The following CNTNAP3 variants were observed in gnomAD, a reference collection of about 807,000 sequenced individuals.
The protein encoded by CNTNAP3 is contactin-associated protein-like 3.
In CNTNAP3, 36 loss-of-function variants were observed where a neutral mutation model predicts 92.1. The ratio of observed to expected loss-of-function variants is 0.39; its 90% CI spans 0.30 to 0.52. CNTNAP3 has a LOEUF of 0.52. Ranked by LOEUF, CNTNAP3 falls within the 20% of genes least tolerant of loss-of-function variation. The pLI, the probability that CNTNAP3 is intolerant of heterozygous loss-of-function variation, is 0.76. For missense variants in CNTNAP3, 534 were observed against 1,069.6 expected (o/e 0.50, Z 6.98); for synonymous variants, 232 against 422.3 (o/e 0.55, Z 5.53).
At position 39,272,820 on chromosome 9, in the gene CNTNAP3, A is replaced by T. The variant is rs1207812298; in HGVS notation, c.86-5814T>A. ...AGGTGACTATAGTCAATAATTACTT[A>T]ATTGTACATTTTTAAATAACTTAAA... On this transcript the variant is annotated intron_variant, in intron 1 of 23. Coordinates refer to ENST00000297668, the MANE Select transcript of CNTNAP3 (RefSeq NM_033655.5). Among the ~76,000 whole-genome samples, 2 of 31,596 alleles carry T rather than the reference A, an allele frequency of 6.3e-5. 1 individual carries two copies. The highest frequency in any genetic ancestry group is 1.9e-4 in the Non-Finnish European group (2 of 10,300). 20.7% of individuals were successfully genotyped at this position (31,596 alleles called of 152,430 possible). A position where few individuals can be genotyped will look rare whatever the true frequency, so the allele number is the denominator to read the frequency against.
chr9:39,115,278 T>C (rs2117946156), intron 14 of CNTNAP3, among the ~76,000 whole-genome samples: 1 of 151,520 alleles, frequency 6.6e-6, no homozygotes, highest in South Asian at 2.1e-4. Flanking sequence ...TTATAAACTT[T>C]CCACCAGGAA....
rs60808690 is a variant in CNTNAP3 at position 39,126,527 on chromosome 9, T to C, written c.2080+6405A>G. Among the ~76,000 whole-genome samples the C allele has an allele frequency of 1.3e-3, 199 of 152,302 alleles. 1 individual carries two copies. The highest frequency in any genetic ancestry group is 4.6e-3 in the African/African-American group (191 of 41,570). Reference sequence around the variant, plus strand: ...TGCAAACAAATATCTCTCTTGAACATGGATGAAGCAATCCTTAAAAAATAT... The same window carrying C: ...TGCAAACAAATATCTCTCTTGAACACGGATGAAGCAATCCTTAAAAAATAT... On this transcript the variant is annotated intron_variant, in intron 13 of 23. Coordinates refer to ENST00000297668, the MANE Select transcript of CNTNAP3 (RefSeq NM_033655.5).
At chr9:39,141,191 C>G (rs1353580537) in intron 11 of CNTNAP3, among the ~76,000 whole-genome samples, 3 of 152,154 alleles carry the variant, frequency 2.0e-5, no homozygotes, top group Non-Finnish European at 4.4e-5. Context: ...GGCAACTATA[C>G]CTCAGAATTA....
At chr9:39,143,914 A>G (rs1241660666) in intron 11 of CNTNAP3, among the ~76,000 whole-genome samples, 4 of 152,294 alleles carry the variant, frequency 2.6e-5, no homozygotes, top group African/African-American at 9.6e-5. Flanking sequence ...GTATGGTCCA[A>G]CTCAAGTAAT....
chr9:39,067,418 G>A lies in CNTNAP3; in HGVS notation c.*6472C>T, dbSNP rs1457197200. Among the ~76,000 whole-genome samples the A allele has an allele frequency of 1.3e-5, 2 of 152,276 alleles. No individual in the cohort carries two copies. Among genetic ancestry groups the A allele is most frequent in the South Asian group, 2.1e-4 (1 of 4,772 alleles). On this transcript the variant is annotated 3_prime_UTR_variant, in exon 24 of 24. Coordinates refer to ENST00000297668, the MANE Select transcript of CNTNAP3 (RefSeq NM_033655.5). Reference sequence around the variant, plus strand: ...CTCGTTGGGTGTTGGATTTTTTTTTGATGGAGTCTGGCTCTGTTGCCCAGG... The same window carrying A: ...CTCGTTGGGTGTTGGATTTTTTTTTAATGGAGTCTGGCTCTGTTGCCCAGG...
chr9:39,080,308 C>T (rs1382758732), intron 21 of CNTNAP3, among the ~76,000 whole-genome samples: 1 of 137,772 alleles, frequency 7.3e-6, no homozygotes, highest in Non-Finnish European at 1.6e-5. Flanking sequence ...CTCTCACCAC[C>T]CCGCAGGTGA....
At chr9:39,101,252 C>A (rs916591710) in intron 17 of CNTNAP3, among the ~76,000 whole-genome samples, 4 of 151,238 alleles carry the variant, frequency 2.6e-5, no homozygotes, top group African/African-American at 9.7e-5. Flanking sequence ...ACCCCATCCA[C>A]ATCCACATAC....
chr9:39,084,437 G>A (rs1292031309), intron 21 of CNTNAP3, among the ~76,000 whole-genome samples: 4 of 151,632 alleles, frequency 2.6e-5, no homozygotes, highest in Non-Finnish European at 4.4e-5. Context: ...CTCGTGATCC[G>A]CCTGCCTCAG....
chr9:39,129,480 A>C (rs936344029), intron 13 of CNTNAP3, among the ~76,000 whole-genome samples: 1 of 152,222 alleles, frequency 6.6e-6, no homozygotes, highest in African/African-American at 2.4e-5. Flanking sequence ...AATGTGTCCC[A>C]AAATAGGGCA....
chr9:39,104,535 T>A (rs983822427), intron 15 of CNTNAP3, among the ~76,000 whole-genome samples: 1 of 144,070 alleles, frequency 6.9e-6, no homozygotes, highest in Non-Finnish European at 1.5e-5. Context: ...CTTAATTCCT[T>A]TCATGGCAAG....
intron 10 of CNTNAP3, among the ~76,000 whole-genome samples, chr9:39,149,012 G>C (rs1821774876): frequency 6.6e-6 from 1 of 152,054 alleles, no homozygotes; most frequent in South Asian, 2.1e-4. Context: ...ATACTTATTT[G>C]AATTAAATGT....
intron 9 of CNTNAP3, among the ~76,000 whole-genome samples, chr9:39,151,899 A>G (rs1821851817): frequency 6.6e-6 from 1 of 150,412 alleles, no homozygotes; most frequent in Non-Finnish European, 1.5e-5. Context: ...AATATTAGGT[A>G]TTAAACCTAA....
chr9:39,150,733 G>T (rs534673907), intron 9 of CNTNAP3, among the ~76,000 whole-genome samples: 1 of 75,656 alleles, frequency 1.3e-5, no homozygotes, highest in African/African-American at 5.8e-5. Flanking sequence ...ATAGACATTT[G>T]ATTATTTCCA....
At position 39,107,134 on chromosome 9, in the gene CNTNAP3, C is replaced by A. The variant is rs562518005; in HGVS notation, c.2365+2026G>T. Among the ~76,000 whole-genome samples the A allele has an allele frequency of 2.2e-4, 34 of 151,714 alleles. No homozygotes were observed. The South Asian group carries it at 7.1e-3, about 32-fold the overall frequency. On this transcript the variant is annotated intron_variant, in intron 15 of 23. Coordinates refer to ENST00000297668, the MANE Select transcript of CNTNAP3 (RefSeq NM_033655.5). ...TGAATTAAATGTCTGGACAGACCTG[C>A]CAGACAGACCTGTGGTGTAGACTTA...
chr9:39,116,656 G>T (rs1587715844), intron 14 of CNTNAP3, among the ~76,000 whole-genome samples: 1 of 152,200 alleles, frequency 6.6e-6, no homozygotes, highest in East Asian at 1.9e-4. Context: ...GTTGTATTAA[G>T]ATTGCATATC....
intron 21 of CNTNAP3, chr9:39,085,254 C>CA (rs1295559873): frequency 1.3e-5 from 2 of 156,758 alleles, no homozygotes; most frequent in African/African-American, 5.2e-5. Flanking sequence ...ATACTAAAGT[C>CA]AAAAAGGATG....
intron 3 of CNTNAP3, among the ~76,000 whole-genome samples, chr9:39,202,175 C>T (rs1386331024): frequency 4.2e-5 from 1 of 23,750 alleles, no homozygotes; most frequent in African/African-American, 6.6e-5. Flanking sequence ...TATGAGCCTT[C>T]GATGAGACTG....
At chr9:39,126,389 AT>A (rs1382111040) in intron 13 of CNTNAP3, among the ~76,000 whole-genome samples, 1 of 152,134 alleles carries the variant, frequency 6.6e-6, no homozygotes, top group African/African-American at 2.4e-5. Context: ...AATGATACCA[AT>A]TTTCCACAAT....
At chr9:39,121,778 C>T (rs1821029080) in intron 13 of CNTNAP3, among the ~76,000 whole-genome samples, 1 of 152,046 alleles carries the variant, frequency 6.6e-6, no homozygotes, top group African/African-American at 2.4e-5. Context: ...AAAAAATGCT[C>T]TTATGTCTCC....
Sources: gnomAD v4.1 joint callset for allele counts (sites outside exome capture counted in the v4.1 genomes callset) on GRCh38, gnomAD v4.1.1 for gene constraint, MANE v1.5 for transcripts, NCBI Gene and HGNC (gene_info 2026-07-23, HGNC 2026-07-21) for gene names.